TACC3: variants seen among roughly 807,000 people sequenced by gnomAD.
TACC3 encodes the protein transforming acidic coiled-coil-containing protein 3.
Under a neutral mutation model 86.0 loss-of-function variants are expected in TACC3, and 52 were observed. The observed-to-expected ratio is 0.60, with a 90% CI of 0.48 to 0.76. The LOEUF (loss-of-function observed/expected upper bound fraction) is 0.76. TACC3 is among the 30% of genes least tolerant of loss of function. The probability of loss-of-function intolerance (pLI) is 0.00; values close to 1 mark genes in which losing one functional copy is unlikely to be tolerated. For missense variants in TACC3, 1,120 were observed against 1,070.4 expected, an observed-to-expected ratio of 1.05 and a Z score of -0.65; for synonymous variants, 512 against 430.0, an observed-to-expected ratio of 1.19 and a Z score of -2.36.
Position 1,728,079 on chromosome 4 carries a change from C to T in TACC3, c.677C>T (p.Ala226Val), listed in dbSNP as rs1270990111. 4 of 1,574,768 alleles carry T rather than the reference C, an allele frequency of 2.5e-6. No homozygotes were observed. The highest frequency in any genetic ancestry group is 3.4e-6 in the Non-Finnish European group (4 of 1,160,674). The change falls in exon 4 of 16, where the codon GCG (alanine) becomes GTG (valine). Residue 226 changes from alanine to valine, a missense_variant. Physicochemically the swap from Ala to Val is moderately conservative, Grantham distance 64. Transcript: ENST00000313288. ...TPHGAEEECK[A>V]ETPHGAEEEC... ...CACGGAGCCGAGGAAGAATGCAAAG[C>T]GGAGACTCCGCACGGAGCCGAGGAG...
intron 10 of TACC3, chr4:1,739,452 C>A: frequency 1.8e-6 from 1 of 563,828 alleles, no homozygotes; most frequent in Non-Finnish European, 3.2e-6. Flanking sequence ...CTGTTGGGTG[C>A]CTGCTGGTTC....
At chr4:1,725,613 C>A (rs1717645921) in intron 3 of TACC3, among the ~76,000 whole-genome samples, 1 of 152,194 alleles carries the variant, frequency 6.6e-6, no homozygotes, top group African/African-American at 2.4e-5. Context: ...CCCTATGCCT[C>A]CAGGATCACC....
chr4:1,726,152 C>T (rs1442419300), intron 3 of TACC3, among the ~76,000 whole-genome samples: 8 of 152,176 alleles, frequency 5.3e-5, no homozygotes, highest in Admixed American at 3.9e-4. Context: ...AGGGGCCCTG[C>T]GCCATGCAGT....
rs748468506 is a variant in TACC3 at position 1,744,944 on chromosome 4, C to G, written c.2452-4C>G. 1 of 1,611,936 alleles carries G rather than the reference C, an allele frequency of 6.2e-7. No individual in the cohort carries two copies. Among genetic ancestry groups the G allele is most frequent in the East Asian group, 2.2e-5 (1 of 44,842 alleles). ...AAGCCCCGCAACTCATCTTCCTCCT[C>G]CAGACTAAAGAGAACGAGGAGCTGA... On this transcript the variant is annotated splice_region_variant and splice_polypyrimidine_tract_variant and intron_variant, in intron 15 of 15. Coordinates refer to ENST00000313288, the MANE Select transcript of TACC3 (RefSeq NM_006342.3).
intron 8 of TACC3, 78 bp from the exon 9 acceptor site, chr4:1,737,163 G>C: frequency 8.1e-7 from 1 of 1,230,676 alleles, no homozygotes; most frequent in Non-Finnish European, 1.2e-6. Context: ...AGCCCGGTTA[G>C]CTTGTCCACA....
In TACC3 at chr4:1,727,902, A is replaced by G. The variant is rs1243856855; in HGVS notation, c.500A>G (p.Gln167Arg). 6.2e-7 allele frequency: 1 copy of G among 1,613,982 alleles called. No individual in the cohort carries two copies. The highest frequency in any genetic ancestry group is 1.1e-5 in the South Asian group (1 of 91,088). Reference protein sequence around the residue: ...SSQSPGSSENQMVSPGKVSGS... With the variant: ...SSQSPGSSENRMVSPGKVSGS... ...CAGAGCCCAGGAAGTTCTGAGAACC[A>G]AATGGTGTCTCCAGGAAAAGTGTCT... Residue 167 changes from glutamine (Q) to arginine (R), a missense_variant, in exon 4 of 16, where the codon CAA (glutamine) becomes CGA (arginine). Physicochemically the swap from Gln to Arg is conservative, Grantham distance 43. Transcript: ENST00000313288.
intron 1 of TACC3, 67 bp downstream of exon 1, chr4:1,721,710 C>T (rs963928614): frequency 6.6e-6 from 1 of 151,702 alleles, no homozygotes; most frequent in Non-Finnish European, 1.5e-5. Flanking sequence ...CCCGCCCCGC[C>T]CCGCCCTCGG....
chr4:1,742,234 C>CT (rs1459045491), intron 13 of TACC3: 3 of 152,326 alleles, frequency 2.0e-5, no homozygotes. Flanking sequence ...TGCCCACCGG[C>CT]AGCAGAGTAC....
chr4:1,735,334 C>T lies in TACC3; in HGVS notation c.1644+9C>T, dbSNP rs761574830. ...AGTTTGGAACTTCCTCGGTAGGTAC[C>T]AGGCAATTCCGCGAAGCCTCACCCA... is the stretch of plus-strand genomic sequence containing the variant. On this transcript the variant is annotated intron_variant, in intron 7 of 15. Transcript: ENST00000313288. This position sits in a 1 kb window ranked among gnomAD's most constrained non-coding sequence, Gnocchi z 4.2. 12 of 1,613,842 alleles carry T rather than the reference C, an allele frequency of 7.4e-6. No homozygotes were observed. Among genetic ancestry groups the T allele is most frequent in the African/African-American group, 2.7e-5 (2 of 74,928 alleles).
intron 3 of TACC3, among the ~76,000 whole-genome samples, chr4:1,725,474 C>T (rs779268590): frequency 6.6e-6 from 1 of 152,178 alleles, no homozygotes; most frequent in South Asian, 2.1e-4. Flanking sequence ...TTTGGTCAAA[C>T]GAAGCGAGAA....
At chr4:1,744,345 G>C (rs1054185703) in intron 13 of TACC3, 173 bp from the exon 14 acceptor site, 24 of 622,138 alleles carry the variant, frequency 3.9e-5, no homozygotes, top group African/African-American at 9.2e-5. Flanking sequence ...ACCTCCAGAG[G>C]GGGTGAGCTG....
intron 6 of TACC3, 49 bp downstream of exon 6, chr4:1,731,350 C>T (rs777703484): frequency 6.3e-7 from 1 of 1,595,046 alleles, no homozygotes; most frequent in African/African-American, 1.3e-5. Flanking sequence ...GGAGGGGATC[C>T]CGTGAGCACT....
intron 10 of TACC3, chr4:1,738,293 G>C (rs1370875700): frequency 4.4e-6 from 1 of 227,488 alleles, no homozygotes; most frequent in East Asian, 1.2e-4. Context: ...GGTTCCGGAG[G>C]CCGGCTGGCA....
chr4:1,733,910 G>C (rs1293991086), intron 6 of TACC3, among the ~76,000 whole-genome samples: 9 of 151,694 alleles, frequency 5.9e-5, no homozygotes, highest in Non-Finnish European at 1.0e-4. Flanking sequence ...CCCAGGAGGC[G>C]GAGGTTGCAG....
At chr4:1,733,637 G>A (rs888546953) in intron 6 of TACC3, among the ~76,000 whole-genome samples, 8 of 152,158 alleles carry the variant, frequency 5.3e-5, no homozygotes, top group African/African-American at 1.4e-4. Context: ...CAGTCTGGGC[G>A]ACAGCGAGAC....
At chr4:1,729,826 T>C (rs1717909523) in intron 4 of TACC3, among the ~76,000 whole-genome samples, 1 of 152,104 alleles carries the variant, frequency 6.6e-6, no homozygotes, top group Non-Finnish European at 1.5e-5. Flanking sequence ...CCCAGTCTAA[T>C]TAACGGGTGC....
At chr4:1,739,598 A>G (rs2077363) in intron 10 of TACC3, 104 bp from the exon 11 acceptor site, 462,188 of 1,088,824 alleles carry the variant, frequency 0.42, 102,084 homozygotes, top group Non-Finnish European at 0.47. Context: ...CCTCTGGGAC[A>G]TTGCTCCAGG....
At position 1,727,691 on chromosome 4, in the gene TACC3, TA is replaced by T. The variant is rs1717757626; in HGVS notation, c.306-15del. On this transcript the variant is annotated splice_polypyrimidine_tract_variant and intron_variant, in intron 3 of 15. Coordinates refer to ENST00000313288, the MANE Select transcript of TACC3 (RefSeq NM_006342.3). ...CAGGTACTCGCTGCTTCACGTTGATTAAGTCTCTTTTAAAAGCCAACAGCTC... is the reference window on the plus strand; with the variant it reads ...CAGGTACTCGCTGCTTCACGTTGATTAGTCTCTTTTAAAAGCCAACAGCTC... 1 of 1,557,222 alleles carries T rather than the reference TA, an allele frequency of 6.4e-7. No individual in the cohort carries two copies.
At chr4:1,743,605 C>T (rs1718698672) in intron 13 of TACC3, among the ~76,000 whole-genome samples, 2 of 151,784 alleles carry the variant, frequency 1.3e-5, no homozygotes, top group South Asian at 4.1e-4. Context: ...CTAACAGGTA[C>T]ACAGTTAACA....
Sources: gnomAD v4.1 joint callset for allele counts (sites outside exome capture counted in the v4.1 genomes callset) on GRCh38, gnomAD v4.1.1 for gene constraint, Gnocchi (gnomAD v3.1) non-coding constraint, MANE v1.5 for transcripts, NCBI Gene and HGNC (gene_info 2026-07-23, HGNC 2026-07-21) for gene names.